The following UCHL5 variants were observed in gnomAD, a reference collection of about 807,000 sequenced individuals.
UCHL5 encodes ubiquitin carboxyl-terminal hydrolase isozyme L5.
In UCHL5, 34 loss-of-function variants were observed where a neutral mutation model predicts 53.8. That is an observed-to-expected ratio of 0.63 (90% CI 0.48 to 0.84). UCHL5 has a LOEUF of 0.84. UCHL5 is among the 40% of genes least tolerant of loss of function. The pLI is 0.00. For missense variants in UCHL5, 290 were observed against 385.6 expected, an observed-to-expected ratio of 0.75 and a Z score of 2.08; for synonymous variants, 111 against 126.3, an observed-to-expected ratio of 0.88 and a Z score of 0.81.
intron 7 of UCHL5, among the ~76,000 whole-genome samples, chr1:193,026,917 A>G (rs749197749): frequency 2.6e-5 from 4 of 152,188 alleles, no homozygotes; most frequent in Non-Finnish European, 5.9e-5. Flanking sequence ...ATCTATGAAT[A>G]AAAAAATGAA....
chr1:193,019,097 C>T (rs539838533), intron 10 of UCHL5, among the ~76,000 whole-genome samples: 1 of 151,376 alleles, frequency 6.6e-6, no homozygotes, highest in African/African-American at 2.4e-5. Context: ...GGATATAGTG[C>T]TACAGATTAA....
intron 10 of UCHL5, chr1:193,020,444 TA>T: frequency 6.5e-7 from 1 of 1,541,212 alleles, no homozygotes; most frequent in Admixed American, 2.0e-5. Flanking sequence ...ATCCTTCCCC[TA>T]TATCAGAATA....
At chr1:193,058,519 C>CAG (rs1671548661) in intron 1 of UCHL5, among the ~76,000 whole-genome samples, 1 of 152,184 alleles carries the variant, frequency 6.6e-6, no homozygotes, top group Non-Finnish European at 1.5e-5. Flanking sequence ...TAAATACAGC[C>CAG]AGAGAGAAAC....
intron 3 of UCHL5, among the ~76,000 whole-genome samples, chr1:193,046,824 C>T (rs1404301217): frequency 6.6e-6 from 1 of 150,620 alleles, no homozygotes; most frequent in Non-Finnish European, 1.5e-5. Flanking sequence ...CAAAGTCAAA[C>T]TTTCATTACT....
intron 3 of UCHL5, among the ~76,000 whole-genome samples, chr1:193,045,527 TACC>T (rs1285202743): frequency 3.9e-5 from 6 of 152,204 alleles, no homozygotes; most frequent in Non-Finnish European, 7.3e-5. Flanking sequence ...CTACTTTGCC[TACC>T]ACCATGAGTA....
At chr1:193,055,794 GTTTAAAA>G (rs1670447851) in intron 1 of UCHL5, among the ~76,000 whole-genome samples, 1 of 152,090 alleles carries the variant, frequency 6.6e-6, no homozygotes, top group African/African-American at 2.4e-5. Flanking sequence ...TGGTAAAATG[GTTTAAAA>G]TTTGTACATT....
chr1:193,035,150 A>C (rs1363501729), intron 3 of UCHL5, among the ~76,000 whole-genome samples: 2 of 152,098 alleles, frequency 1.3e-5, no homozygotes, highest in African/African-American at 2.4e-5. Context: ...AGAAAAAAAA[A>C]CAAATTATTA....
chr1:193,059,446 G>C, upstream of UCHL5: 1 of 1,610,124 alleles, frequency 6.2e-7, no homozygotes, highest in Non-Finnish European at 8.5e-7. The surrounding 1 kb of genome is among the most constrained non-coding windows in gnomAD (Gnocchi z 4.9). Flanking sequence ...GGACGCTCTA[G>C]CCACCCTAGA....
intron 9 of UCHL5, 132 bp from the exon 10 acceptor site, chr1:193,021,327 C>T: frequency 1.7e-6 from 1 of 598,052 alleles, no homozygotes; most frequent in South Asian, 2.3e-5. Context: ...AATGAGATTC[C>T]ATTCCCACTG....
At position 193,016,231 on chromosome 1, in the gene UCHL5, C is replaced by T. The variant is rs2102226129; in HGVS notation, c.*120G>A. ...ATCCATGCATTAAAGACAAGACAGG[C>T]TGGCACTATTGCCAAACGTGCACTG... On this transcript the variant is annotated 3_prime_UTR_variant, in exon 11 of 11. Coordinates refer to ENST00000367454, the MANE Select transcript of UCHL5 (RefSeq NM_001199261.3). 9.2e-7 allele frequency: 1 copy of T among 1,085,326 alleles called. No individual in the cohort carries two copies. The allele number at this position is 1,085,326 out of a possible 1,614,324, so 67.2% of individuals were successfully genotyped here.
chr1:193,023,132 AT>A, intron 8 of UCHL5, 96 bp from the exon 9 acceptor site: 2 of 956,442 alleles, frequency 2.1e-6, no homozygotes, highest in Non-Finnish European at 3.2e-6. Flanking sequence ...TTATTTTCAA[AT>A]TTTTACTCTT....
intron 2 of UCHL5, 31 bp downstream of exon 2, chr1:193,051,723 T>TAC (rs757193692): frequency 7.6e-7 from 1 of 1,319,462 alleles, no homozygotes; most frequent in East Asian, 2.4e-5. Flanking sequence ...TATATATATA[T>TAC]ACATATTAAC....
At chr1:193,042,881 C>A (rs1666060136) in intron 3 of UCHL5, among the ~76,000 whole-genome samples, 2 of 152,064 alleles carry the variant, frequency 1.3e-5, no homozygotes, top group African/African-American at 4.8e-5. Context: ...AGGCTCATGA[C>A]CACCTGGAAT....
intron 10 of UCHL5, among the ~76,000 whole-genome samples, chr1:193,017,244 T>C (rs1432664817): frequency 4.0e-5 from 6 of 151,750 alleles, no homozygotes; most frequent in African/African-American, 1.2e-4. Context: ...CAATGCAATA[T>C]TTTTCCACTG....
chr1:193,034,956 T>TAAAAAAGCTGGAGTAAA (rs1662827360), intron 3 of UCHL5, among the ~76,000 whole-genome samples: 1 of 151,944 alleles, frequency 6.6e-6, no homozygotes, highest in Non-Finnish European at 1.5e-5. Context: ...GGAGTAAACA[T>TAAAAAAGCTGGAGTAAA]CATCCTAAAT....
chr1:193,032,288 A>G (rs1661710991), intron 3 of UCHL5, among the ~76,000 whole-genome samples: 1 of 152,204 alleles, frequency 6.6e-6, no homozygotes, highest in South Asian at 2.1e-4. Flanking sequence ...AGGATTCCCT[A>G]TTTAATAAAT....
At chr1:193,058,774 G>A (rs1296887367) in intron 1 of UCHL5, among the ~76,000 whole-genome samples, 2 of 152,226 alleles carry the variant, frequency 1.3e-5, no homozygotes, top group Non-Finnish European at 2.9e-5. Flanking sequence ...CGCACCCTAG[G>A]GTGGCTTCTG....
rs917268286 is a variant in UCHL5, at chr1:193,013,883, G to C, written c.*2468C>G. On this transcript the variant is annotated 3_prime_UTR_variant, in exon 11 of 11. Transcript: ENST00000367454. Reference sequence around the variant, plus strand: ...GGCACAGTCGAGCTGACTGCTGTTCGGAAAAGGGCAAGCTATCTTGGGAAC... The same window carrying C: ...GGCACAGTCGAGCTGACTGCTGTTCCGAAAAGGGCAAGCTATCTTGGGAAC... The C allele has an allele frequency of 1.3e-5, 2 of 152,122 alleles. No homozygotes were observed. The highest frequency in any genetic ancestry group is 4.8e-5 in the African/African-American group (2 of 41,426). The allele number at this position is 152,122 out of a possible 1,614,324, so 9.4% of individuals were successfully genotyped here. A position where few individuals can be genotyped will look rare whatever the true frequency, so the allele number is the denominator to read the frequency against.
At chr1:193,059,625 A>T (rs2887639), upstream of UCHL5, 4 of 1,409,528 alleles carry the variant, frequency 2.8e-6, no homozygotes, top group Non-Finnish European at 3.8e-6. This position sits in a 1 kb window ranked among gnomAD's most constrained non-coding sequence, Gnocchi z 4.9. Flanking sequence ...CGTTCCCGGG[A>T]ACCGAACCTG....
Sources: allele counts gnomAD v4.1 joint callset (sites outside exome capture counted in the v4.1 genomes callset), GRCh38; gene constraint gnomAD v4.1.1; non-coding constraint Gnocchi (gnomAD v3.1); transcripts MANE v1.5; gene names NCBI Gene and HGNC (gene_info 2026-07-23, HGNC 2026-07-21).